Variants in ZNF473 observed in about 807,000 individuals in gnomAD.
ZNF473 encodes zinc finger protein 473, also known as zinc finger protein 100 homolog.
Under a neutral mutation model 11.1 loss-of-function variants are expected in ZNF473, and 4 were observed. The ratio of observed to expected loss-of-function variants is 0.36; its 90% CI spans 0.18 to 0.82. ZNF473 has a LOEUF of 0.82. Ranked by LOEUF, ZNF473 falls within the 40% of genes least tolerant of loss-of-function variation. The pLI, the probability that ZNF473 is intolerant of heterozygous loss-of-function variation, is 0.49. For synonymous variants in ZNF473, 404 were observed against 390.4 expected, an observed-to-expected ratio of 1.03 and a Z score of -0.41; for missense variants, 854 against 1,084.0, an observed-to-expected ratio of 0.79 and a Z score of 2.98.
Position 50,047,403 on chromosome 19 carries a change from A to C in ZNF473, c.*344A>C. 4.0e-6 allele frequency: 1 copy of C among 246,970 alleles called. No individual in the cohort carries two copies. Among genetic ancestry groups the C allele is most frequent in the Non-Finnish European group, 8.0e-6 (1 of 125,250 alleles). 15.3% of individuals were successfully genotyped at this position (246,970 alleles called of 1,614,324 possible). On this transcript the variant is annotated 3_prime_UTR_variant, in exon 5 of 5. Transcript: ENST00000270617. ...ACCTCAGAGGGCTTTTCTGAGGATTAAATAAATAAATGTGAAGCACTTAGA... is the reference window on the plus strand; with the variant it reads ...ACCTCAGAGGGCTTTTCTGAGGATTCAATAAATAAATGTGAAGCACTTAGA...
Position 50,046,639 on chromosome 19 carries a change from TG to T in ZNF473, c.2197del (p.Asp733IlefsTer9), listed in dbSNP as rs756502621. ...IHSGEKPYVC[D>X]YCGKAFGLSA... ...ACTCAGGTGAGAAGCCCTATGTATGTGATTACTGCGGGAAGGCCTTCGGCCT... is the reference window on the plus strand; with the variant it reads ...ACTCAGGTGAGAAGCCCTATGTATGTATTACTGCGGGAAGGCCTTCGGCCT... On this transcript the variant is annotated frameshift_variant, in exon 5 of 5. Coordinates refer to ENST00000270617, the MANE Select transcript of ZNF473 (RefSeq NM_015428.4). LOFTEE classifies it low-confidence loss of function (END_TRUNC). This position sits in a 1 kb window ranked among gnomAD's most constrained non-coding sequence, Gnocchi z 5.9. 5 of 1,614,142 alleles carry T rather than the reference TG, an allele frequency of 3.1e-6. No individual in the cohort carries two copies. The highest frequency in any genetic ancestry group is 4.2e-6 in the Non-Finnish European group (5 of 1,180,064).
At chr19:50,043,771 GT>G (rs1600761133) in intron 4 of ZNF473, among the ~76,000 whole-genome samples, 2 of 152,090 alleles carry the variant, frequency 1.3e-5, no homozygotes, top group African/African-American at 4.8e-5. Context: ...TGCTCAGCTG[GT>G]TTTCAGAGAA....
chr19:50,032,619 TTGCGGGTGACAG>T (rs2077323907), intron 2 of ZNF473, among the ~76,000 whole-genome samples: 1 of 152,212 alleles, frequency 6.6e-6, no homozygotes, highest in South Asian at 2.1e-4. Flanking sequence ...GCTTACTTTA[TTGCGGGTGACAG>T]TGTATGAGCT....
chr19:50,029,552 G>A (rs961320873), intron 1 of ZNF473, among the ~76,000 whole-genome samples: 6 of 152,222 alleles, frequency 3.9e-5, no homozygotes, highest in South Asian at 4.1e-4. Flanking sequence ...AAGAATTTGT[G>A]GACCTGTGTC....
chr19:50,047,100 C>T lies in ZNF473; in HGVS notation c.*41C>T. ...AGAGTCCCAGAATATGAGACCGTTA[C>T]TCGGATGTTGAAAGTTGGAAACTAT... On this transcript the variant is annotated 3_prime_UTR_variant, in exon 5 of 5. Coordinates refer to ENST00000270617, the MANE Select transcript of ZNF473 (RefSeq NM_015428.4). 1.3e-6 allele frequency: 2 copies of T among 1,520,714 alleles called. No homozygotes were observed. Among genetic ancestry groups the T allele is most frequent in the Non-Finnish European group, 1.8e-6 (2 of 1,118,794 alleles). 94.2% of individuals were successfully genotyped at this position (1,520,714 alleles called of 1,614,324 possible). A position where few individuals can be genotyped will look rare whatever the true frequency, so the allele number is the denominator to read the frequency against.
rs771597507 is a variant in ZNF473, at chr19:50,046,343, A to C, written c.1900A>C (p.Ile634Leu). The change falls in exon 5 of 5, where the codon ATC becomes CTC. Residue 634 changes from isoleucine (I) to leucine (L), a missense_variant. Physicochemically the swap from Ile to Leu is conservative, Grantham distance 5 (BLOSUM62 2). This residue lies in a region of ZNF473 where 668 missense variants were observed against 790.2 expected (regional missense o/e 0.85). Transcript: ENST00000270617. The surrounding 1 kb of genome is among the most constrained non-coding windows in gnomAD (Gnocchi z 5.9). ...GAAAGCCATCAGCAGTGCCTCCCTT[A>C]TCAAACTTCAGTCCTTCCACACAAA... ...QGKAISSASL[I>L]KLQSFHTKEH... 3 of 1,614,202 alleles carry C rather than the reference A, an allele frequency of 1.9e-6. No individual in the cohort carries two copies. In the South Asian group the frequency reaches 3.3e-5, roughly 18 times the overall value.
chr19:50,026,464 T>C (rs1381943157), intron 1 of ZNF473, among the ~76,000 whole-genome samples: 1 of 150,048 alleles, frequency 6.7e-6, no homozygotes, highest in Non-Finnish European at 1.5e-5. Flanking sequence ...GGCAGGAGAA[T>C]CGCTTGAACC....
rs1978995266 is a variant in ZNF473 at position 50,045,050 on chromosome 19, C to G, written c.607C>G (p.Gln203Glu). The change falls in exon 5 of 5, where the codon CAG becomes GAG. Residue 203 changes from glutamine to glutamate, a missense_variant. Transcript: ENST00000270617. ...CGACCACAGCCAGCAGGATTCTGTTCAGGAAGGGGAGAAACCATATCAATG... is the reference window on the plus strand; with the variant it reads ...CGACCACAGCCAGCAGGATTCTGTTGAGGAAGGGGAGAAACCATATCAATG... Reference protein sequence around the residue: ...YSDHSQQDSVQEGEKPYQCSE... With the variant: ...YSDHSQQDSVEEGEKPYQCSE... 2.5e-6 allele frequency: 4 copies of G among 1,614,140 alleles called. No individual in the cohort carries two copies. The highest frequency in any genetic ancestry group is 3.4e-6 in the Non-Finnish European group (4 of 1,180,048).
chr19:50,027,104 C>T (rs1178841015), intron 1 of ZNF473, among the ~76,000 whole-genome samples: 1 of 152,042 alleles, frequency 6.6e-6, no homozygotes, highest in Admixed American at 6.6e-5. Flanking sequence ...AAGGCAATCT[C>T]GGGAATCAGA....
At chr19:50,029,602 T>C (rs2077306506) in intron 1 of ZNF473, among the ~76,000 whole-genome samples, 1 of 152,228 alleles carries the variant, frequency 6.6e-6, no homozygotes, top group Non-Finnish European at 1.5e-5. Context: ...TATGAAATGC[T>C]TTCAGCACTC....
At chr19:50,031,174 A>C in intron 2 of ZNF473, 83 bp downstream of exon 2, 1 of 1,537,526 alleles carries the variant, frequency 6.5e-7, no homozygotes, top group South Asian at 1.2e-5. Context: ...GGCGAGTTGA[A>C]GGTCGCTCTG....
chr19:50,032,189 A>G (rs1191148530), intron 2 of ZNF473, among the ~76,000 whole-genome samples: 2 of 149,886 alleles, frequency 1.3e-5, no homozygotes, highest in Non-Finnish European at 3.0e-5. Flanking sequence ...TCACTGTGAC[A>G]GGGGCCTTGT....
chr19:50,045,933 G>A lies in ZNF473; in HGVS notation c.1490G>A (p.Ser497Asn), dbSNP rs746675818. ...TGTGCTGAATGCAAGGAGACTTTCA[G>A]CGATAACAATCGCCTTGTGCAACAC... ...YSCAECKETFSDNNRLVQHQK... is the reference protein window; with the variant it reads ...YSCAECKETFNDNNRLVQHQK... Residue 497 changes from serine (S) to asparagine (N), a missense_variant, in exon 5 of 5, where the codon AGC becomes AAC. Transcript: ENST00000270617. 1 of 1,614,168 alleles carries A rather than the reference G, an allele frequency of 6.2e-7. No homozygotes were observed. Among genetic ancestry groups the A allele is most frequent in the Non-Finnish European group, 8.5e-7 (1 of 1,180,036 alleles).
At chr19:50,041,562 C>A in intron 3 of ZNF473, 168 bp from the exon 4 acceptor site, 1 of 492,546 alleles carries the variant, frequency 2.0e-6, no homozygotes. Flanking sequence ...ACTGGGAACC[C>A]TACAGGACAG....
At chr19:50,035,629 T>G (rs1045887615) in intron 2 of ZNF473, among the ~76,000 whole-genome samples, 1 of 152,176 alleles carries the variant, frequency 6.6e-6, no homozygotes, top group African/African-American at 2.4e-5. Context: ...TAGTAGGTGC[T>G]TGGTCATCAT....
In ZNF473 at chr19:50,047,291, C is replaced by G; in HGVS notation, c.*232C>G. The G allele has an allele frequency of 2.1e-6, 1 of 481,496 alleles. No homozygotes were observed. Among genetic ancestry groups the G allele is most frequent in the Non-Finnish European group, 3.7e-6 (1 of 266,840 alleles). The allele number at this position is 481,496 out of a possible 1,614,324, so 29.8% of individuals were successfully genotyped here. A position where few individuals can be genotyped will look rare whatever the true frequency, so the allele number is the denominator to read the frequency against. On this transcript the variant is annotated 3_prime_UTR_variant, in exon 5 of 5. Coordinates refer to ENST00000270617, the MANE Select transcript of ZNF473 (RefSeq NM_015428.4). ...GTCTACCTTGAGTTAAATCCCACCTCTGCCATCTACTACCTAAGTGACCTT... is the reference window on the plus strand; with the variant it reads ...GTCTACCTTGAGTTAAATCCCACCTGTGCCATCTACTACCTAAGTGACCTT...
At position 50,045,600 on chromosome 19, in the gene ZNF473, A is replaced by G. The variant is rs1390343311; in HGVS notation, c.1157A>G (p.His386Arg). The part of the protein sequence containing the change: ...ECQECGKIFR[H>R]SSLLIEHQAL... ...CAGGAGTGTGGGAAGATTTTTAGGC[A>G]CAGTTCGCTGCTCATTGAACACCAG... The change falls in exon 5 of 5, where the codon CAC becomes CGC. Residue 386 changes from histidine (H) to arginine (R), a missense_variant. This residue lies in a region of ZNF473 where 668 missense variants were observed against 790.2 expected (regional missense o/e 0.85). Coordinates refer to ENST00000270617, the MANE Select transcript of ZNF473 (RefSeq NM_015428.4). 2 of 1,614,046 alleles carry G rather than the reference A, an allele frequency of 1.2e-6. No homozygotes were observed. Among genetic ancestry groups the G allele is most frequent in the Non-Finnish European group, 1.7e-6 (2 of 1,180,044 alleles).
Position 50,047,116 on chromosome 19 carries a change from T to C in ZNF473, c.*57T>C, listed in dbSNP as rs1568412797. 1 of 1,435,608 alleles carries C rather than the reference T, an allele frequency of 7.0e-7. No individual in the cohort carries two copies. The allele number at this position is 1,435,608 out of a possible 1,614,324, so 88.9% of individuals were successfully genotyped here. A position where few individuals can be genotyped will look rare whatever the true frequency, so the allele number is the denominator to read the frequency against. On this transcript the variant is annotated 3_prime_UTR_variant, in exon 5 of 5. Transcript: ENST00000270617. ...AGACCGTTACTCGGATGTTGAAAGTTGGAAACTATCCCATTGCAAGTTTCT... is the reference window on the plus strand; with the variant it reads ...AGACCGTTACTCGGATGTTGAAAGTCGGAAACTATCCCATTGCAAGTTTCT...
intron 2 of ZNF473, among the ~76,000 whole-genome samples, chr19:50,036,476 G>A (rs1027104526): frequency 2.1e-5 from 3 of 143,284 alleles, no homozygotes; most frequent in Non-Finnish European, 3.0e-5. Flanking sequence ...ACCATGCCCA[G>A]CTAATTTTTT....
Sources: gnomAD v4.1 joint callset for allele counts (sites outside exome capture counted in the v4.1 genomes callset) on GRCh38, gnomAD v4.1.1 for gene constraint, gnomAD v4.1.1 regional missense constraint, Gnocchi (gnomAD v3.1) non-coding constraint, MANE v1.5 for transcripts, NCBI Gene and HGNC (gene_info 2026-07-23, HGNC 2026-07-21) for gene names.